The following DHX58 variants were observed in gnomAD, a reference collection of about 807,000 sequenced individuals.
DHX58 encodes ATP-dependent RNA helicase DHX58.
DHX58 carries 51 observed loss-of-function variants against 65.0 expected under a neutral mutation model. The ratio of observed to expected loss-of-function variants is 0.78; its 90% CI spans 0.63 to 0.99. DHX58 has a LOEUF of 0.99. DHX58 is among the 50% of genes least tolerant of loss of function. The pLI is 0.00. For missense variants in DHX58, 773 were observed against 891.8 expected, an observed-to-expected ratio of 0.87 and a Z score of 1.70; for synonymous variants, 350 against 365.0, an observed-to-expected ratio of 0.96 and a Z score of 0.47.
chr17:42,111,969 G>C (rs1555664487), intron 2 of DHX58, 76 bp from the exon 3 acceptor site: 6 of 1,515,674 alleles, frequency 4.0e-6, no homozygotes, highest in Non-Finnish European at 5.3e-6. Context: ...TCAGTACAGA[G>C]ACCTCCCTTT....
Position 42,101,637 on chromosome 17 carries a change from G to A in DHX58, c.*124C>T. On this transcript the variant is annotated 3_prime_UTR_variant, in exon 14 of 14. Transcript: ENST00000251642. ...GCGGGAGCCTAAGCCAGGGTGCCCA[G>A]GACTCCTGTGTGGCTGGTGGGCCTG... The A allele has an allele frequency of 7.4e-7, 1 of 1,357,698 alleles. No homozygotes were observed. The highest frequency in any genetic ancestry group is 2.3e-5 in the Admixed American group (1 of 43,470). 84.1% of individuals were successfully genotyped at this position (1,357,698 alleles called of 1,614,324 possible). A position where few individuals can be genotyped will look rare whatever the true frequency, so the allele number is the denominator to read the frequency against.
rs138463087 is a variant in DHX58 at position 42,101,838 on chromosome 17, G to A, written c.1960C>T (p.Arg654Cys). 1.1e-5 allele frequency: 18 copies of A among 1,614,122 alleles called. No individual in the cohort carries two copies. The highest frequency in any genetic ancestry group is 5.5e-5 in the South Asian group (5 of 91,092). Residue 654 changes from arginine (R) to cysteine (C), a missense_variant, in exon 14 of 14, where the codon CGC becomes TGC. Coordinates refer to ENST00000251642, the MANE Select transcript of DHX58 (RefSeq NM_024119.3). ...QGRIQAKKWS[R>C]VPFSVPDFDF... is the part of the protein sequence containing the mutation. ...AAGTCAGGCACGGAGAAGGGCACGC[G>A]GGACCACTTTTTGGCCTGGATCCGC...
Position 42,105,972 on chromosome 17 carries a change from C to T in DHX58, c.1015G>A (p.Ala339Thr). 1 of 1,612,988 alleles carries T rather than the reference C, an allele frequency of 6.2e-7. No individual in the cohort carries two copies. The highest frequency in any genetic ancestry group is 8.5e-7 in the Non-Finnish European group (1 of 1,179,600). Reference sequence around the variant, plus strand: ...TCTGGGCCATGAGTTGCCAAGTGGGCCAGCTCATTCTTGCGGTCTGTCAAA... The same window carrying T: ...TCTGGGCCATGAGTTGCCAAGTGGGTCAGCTCATTCTTGCGGTCTGTCAAA... ...ALFDDRKNEL[A>T]HLATHGPENP... The change falls in exon 9 of 14, where the codon GCC becomes ACC. Residue 339 changes from alanine (A) to threonine (T), a missense_variant. Physicochemically the swap from Ala to Thr is moderately conservative, Grantham distance 58. Coordinates refer to ENST00000251642, the MANE Select transcript of DHX58 (RefSeq NM_024119.3).
At chr17:42,102,190 G>T in intron 13 of DHX58, 26 bp downstream of exon 13, 2 of 1,611,694 alleles carry the variant, frequency 1.2e-6, no homozygotes, top group African/African-American at 1.3e-5. Context: ...GGACTCTGGG[G>T]CCTGGGACGT....
chr17:42,105,498 G>T (rs1483744287), intron 9 of DHX58, among the ~76,000 whole-genome samples: 7 of 151,958 alleles, frequency 4.6e-5, no homozygotes, highest in African/African-American at 1.7e-4. Context: ...TTTCCCTACG[G>T]ACCCCCATGC....
At chr17:42,107,308 G>C (rs957212462) in intron 8 of DHX58, among the ~76,000 whole-genome samples, 2 of 151,508 alleles carry the variant, frequency 1.3e-5, no homozygotes, top group African/African-American at 4.9e-5. Flanking sequence ...CGAGGTTGCA[G>C]TGAGCTATGA....
Position 42,111,504 on chromosome 17 carries a change from G to A in DHX58, c.169-7C>T, listed in dbSNP as rs577639012. The A allele has an allele frequency of 6.2e-7, 1 of 1,613,420 alleles. No homozygotes were observed. Among genetic ancestry groups the A allele is most frequent in the Non-Finnish European group, 8.5e-7 (1 of 1,179,794 alleles). Reference sequence around the variant, plus strand: ...GCTGGGTCACCAGGTGCACCTGGGGGTGGAGAATGAGCTGGGAAAAGAGAG... The same window carrying A: ...GCTGGGTCACCAGGTGCACCTGGGGATGGAGAATGAGCTGGGAAAAGAGAG... On this transcript the variant is annotated splice_polypyrimidine_tract_variant and splice_region_variant and intron_variant, in intron 3 of 13. Coordinates refer to ENST00000251642, the MANE Select transcript of DHX58 (RefSeq NM_024119.3).
Position 42,101,785 on chromosome 17 carries a change from G to C in DHX58, c.2013C>G (p.Asn671Lys), listed in dbSNP as rs782654678. 12 of 1,614,224 alleles carry C rather than the reference G, an allele frequency of 7.4e-6. No homozygotes were observed. The highest frequency in any genetic ancestry group is 1.0e-5 in the Non-Finnish European group (12 of 1,180,042). Residue 671 changes from asparagine (N) to lysine (K), a missense_variant, in exon 14 of 14, where the codon AAC (asparagine) becomes AAG (lysine). By Grantham distance (94) the Asn-to-Lys change is moderately conservative. Coordinates refer to ENST00000251642, the MANE Select transcript of DHX58 (RefSeq NM_024119.3). ...DFDFLQHCAE[N>K]LSDLSLD Reference sequence around the variant, plus strand: ...GTCAGTCCAGGGAGAGGTCCGACAAGTTCTCGGCACAATGCTGCAGGAAGT... The same window carrying C: ...GTCAGTCCAGGGAGAGGTCCGACAACTTCTCGGCACAATGCTGCAGGAAGT...
chr17:42,104,778 C>G lies in DHX58; in HGVS notation c.1551G>C (p.Glu517Asp). 6.2e-7 allele frequency: 1 copy of G among 1,613,944 alleles called. No homozygotes were observed. Among genetic ancestry groups the G allele is most frequent in the Middle Eastern group, 1.6e-4 (1 of 6,062 alleles). The change falls in exon 11 of 14, where the codon GAG (glutamate) becomes GAC (aspartate). Residue 517 changes from glutamate to aspartate, a missense_variant. By Grantham distance (45) the Glu-to-Asp change is conservative. Transcript: ENST00000251642. ...VAAVQKMDQA[E>D]YQAKIRDLQQ... is the part of the protein sequence containing the mutation. ...GCTGCCTGCAGACCTTGGCCTGGTA[C>G]TCGGCCTGGTCCATTTTCTGCACAG...
chr17:42,111,060 G>A (rs2054142522), intron 4 of DHX58, 147 bp from the exon 5 acceptor site: 11 of 1,072,022 alleles, frequency 1.0e-5, no homozygotes, highest in South Asian at 4.8e-5. Context: ...AGGCAGGGAA[G>A]ACTTCTTTCC....
chr17:42,104,496 T>C (rs2054024068), intron 11 of DHX58, among the ~76,000 whole-genome samples: 1 of 152,126 alleles, frequency 6.6e-6, no homozygotes, highest in African/African-American at 2.4e-5. Flanking sequence ...AGAAAGGCTG[T>C]AATGCAGCTC....
At position 42,103,729 on chromosome 17, in the gene DHX58, G is replaced by C. The variant is rs1198645887; in HGVS notation, c.1633C>G (p.Gln545Glu). ...AQAAQRENQR[Q>E]QFPVEHVQLL... ...TGCACGTGCTCCACTGGGAACTGCT[G>C]CCGCTGGTTCTCCCGCTGGGCTGCC... is the stretch of plus-strand genomic sequence containing the variant. The change falls in exon 12 of 14, where the codon CAG becomes GAG. Residue 545 changes from glutamine to glutamate, a missense_variant. Transcript: ENST00000251642. 2.5e-6 allele frequency: 4 copies of C among 1,613,328 alleles called. No homozygotes were observed. Among genetic ancestry groups the C allele is most frequent in the Non-Finnish European group, 3.4e-6 (4 of 1,180,034 alleles).
chr17:42,109,495 T>C, intron 5 of DHX58, 109 bp from the exon 6 acceptor site: 1 of 864,604 alleles, frequency 1.2e-6, no homozygotes, highest in Non-Finnish European at 1.8e-6. Flanking sequence ...TGGGCATTCG[T>C]CTACTCAAAT....
At position 42,105,763 on chromosome 17, in the gene DHX58, G is replaced by A. The variant is rs2054047307; in HGVS notation, c.1224C>T (p.Asn408=). The A allele has an allele frequency of 6.3e-7, 1 of 1,594,696 alleles. No individual in the cohort carries two copies. Among genetic ancestry groups the A allele is most frequent in the Non-Finnish European group, 8.5e-7 (1 of 1,169,910 alleles). The change falls in exon 9 of 14, where the codon AAC becomes AAT. Residue 408 remains asparagine (N), a synonymous_variant. Coordinates refer to ENST00000251642, the MANE Select transcript of DHX58 (RefSeq NM_024119.3). ...GGGTCATGTGGGTGCTCTGGCTGCT[G>A]TTCCCAGCCCCAATCAGTAGCTGGG... The part of the protein sequence containing the change: ...IRAQLLIGAG[N]SSQSTHMTQR...
rs782043771 is a variant in DHX58, at chr17:42,105,063, C to T, written c.1356G>A (p.Val452=). 2 of 1,613,848 alleles carry T rather than the reference C, an allele frequency of 1.2e-6. No homozygotes were observed. Among genetic ancestry groups the T allele is most frequent in the Non-Finnish European group, 1.7e-6 (2 of 1,179,970 alleles). The change falls in exon 10 of 14, where the codon GTG becomes GTA. Residue 452 remains valine (V), a synonymous_variant. Transcript: ENST00000251642. ...EEGLDIPHCN[V]VVRYGLLTNE... Reference sequence around the variant, plus strand: ...TGGTCAAGAGCCCATAACGCACCACCACATTGCAATGTGGGATGTCCAGCC... The same window carrying T: ...TGGTCAAGAGCCCATAACGCACCACTACATTGCAATGTGGGATGTCCAGCC...
Position 42,107,975 on chromosome 17 carries a change from C to T in DHX58, c.805+7G>A. 1.2e-6 allele frequency: 2 copies of T among 1,614,158 alleles called. No individual in the cohort carries two copies. The highest frequency in any genetic ancestry group is 1.7e-6 in the Non-Finnish European group (2 of 1,180,030). On this transcript the variant is annotated splice_region_variant and intron_variant, in intron 7 of 13. Transcript: ENST00000251642. ...CTCGCCTCCGCCAGAAGGGCTGCCCCTCTCACCAGCCTCACTCAGCTTCAC... is the reference window on the plus strand; with the variant it reads ...CTCGCCTCCGCCAGAAGGGCTGCCCTTCTCACCAGCCTCACTCAGCTTCAC...
In DHX58 at chr17:42,111,285, A is replaced by T; in HGVS notation, c.370+11T>A. On this transcript the variant is annotated intron_variant, in intron 4 of 13. Coordinates refer to ENST00000251642, the MANE Select transcript of DHX58 (RefSeq NM_024119.3). ...GATGCGTATCTTTTTCCTCCCGGCC[A>T]TGGCCCTCACCAGTGAGCTCCACGT... 6.2e-7 allele frequency: 1 copy of T among 1,606,814 alleles called. No homozygotes were observed. Among genetic ancestry groups the T allele is most frequent in the East Asian group, 2.2e-5 (1 of 44,592 alleles).
At chr17:42,104,672 G>C in intron 11 of DHX58, 94 bp downstream of exon 11, 2 of 1,515,224 alleles carry the variant, frequency 1.3e-6, no homozygotes, top group Admixed American at 3.8e-5. Flanking sequence ...GATGTAGAGG[G>C]GACAGGGGGA....
At position 42,111,507 on chromosome 17, in the gene DHX58, GA is replaced by G. The variant is rs1170958633; in HGVS notation, c.169-11del. The G allele has an allele frequency of 6.2e-7, 1 of 1,613,074 alleles. No individual in the cohort carries two copies. The highest frequency in any genetic ancestry group is 8.5e-7 in the Non-Finnish European group (1 of 1,179,718). Reference sequence around the variant, plus strand: ...GGGTCACCAGGTGCACCTGGGGGTGGAGAATGAGCTGGGAAAAGAGAGCTGA... The same window carrying G: ...GGGTCACCAGGTGCACCTGGGGGTGGGAATGAGCTGGGAAAAGAGAGCTGA... On this transcript the variant is annotated splice_polypyrimidine_tract_variant and intron_variant, in intron 3 of 13. Transcript: ENST00000251642.
Sources: allele counts gnomAD v4.1 joint callset (sites outside exome capture counted in the v4.1 genomes callset), GRCh38; gene constraint gnomAD v4.1.1; transcripts MANE v1.5; gene names NCBI Gene and HGNC (gene_info 2026-07-23, HGNC 2026-07-21).